The following EYS variants were observed in gnomAD, a reference collection of about 807,000 sequenced individuals.
The protein encoded by EYS is protein eyes shut homolog.
A neutral mutation model predicts 282.1 loss-of-function variants in EYS; 250 were observed. The observed-to-expected ratio is 0.89, with a 90% CI of 0.80 to 0.98. The LOEUF is 0.98. Ranked by LOEUF, EYS falls within the 50% of genes least tolerant of loss-of-function variation. The pLI is 0.00. For missense variants in EYS, 4,016 were observed against 3,709.0 expected, an observed-to-expected ratio of 1.08 and a Z score of -2.15; for synonymous variants, 1,355 against 1,282.9, an observed-to-expected ratio of 1.06 and a Z score of -1.20.
intron 24 of EYS, among the ~76,000 whole-genome samples, chr6:64,606,427 T>C (rs1038569771): frequency 4.6e-5 from 7 of 151,964 alleles, no homozygotes; most frequent in Non-Finnish European, 8.8e-5. Context: ...TTTTTATACC[T>C]CTATCAACAC....
At chr6:65,261,284 T>C (rs1366655168) in intron 12 of EYS, among the ~76,000 whole-genome samples, 4 of 151,882 alleles carry the variant, frequency 2.6e-5, no homozygotes, top group Admixed American at 1.3e-4. Context: ...TATATTTACA[T>C]TCACATGAAT....
At chr6:64,060,000 C>A (rs1216860946) in intron 33 of EYS, among the ~76,000 whole-genome samples, 1 of 152,032 alleles carries the variant, frequency 6.6e-6, no homozygotes, top group Non-Finnish European at 1.5e-5. Flanking sequence ...TGAAGTTTGA[C>A]CTTTTTAATA....
rs371667376 is a variant in EYS, at chr6:65,335,061, A to T, written c.1685T>A (p.Met562Lys). ...ATCATCAGTTGTATTTTCCAGATAC[A>T]TGTTGCCAGCCCATCTGAGAAAACA... Reference protein sequence around the residue: ...YLCFLRWAGNMYLENTTDDQE... With the variant: ...YLCFLRWAGNKYLENTTDDQE... The change falls in exon 11 of 43, where the codon ATG becomes AAG. Residue 562 changes from methionine (M) to lysine (K), a missense_variant. Met to Lys is a moderately conservative substitution (Grantham distance 95). Transcript: ENST00000503581. 2 of 1,612,030 alleles carry T rather than the reference A, an allele frequency of 1.2e-6. No individual in the cohort carries two copies. Among genetic ancestry groups the T allele is most frequent in the Non-Finnish European group, 1.7e-6 (2 of 1,178,894 alleles).
intron 24 of EYS, among the ~76,000 whole-genome samples, chr6:64,603,700 G>C (rs574294224): frequency 6.6e-6 from 1 of 152,158 alleles, no homozygotes; most frequent in East Asian, 1.9e-4. Flanking sequence ...ATTCAAACTG[G>C]TTCTGTGGAG....
At chr6:65,638,795 G>T (rs954712218) in intron 2 of EYS, among the ~76,000 whole-genome samples, 4 of 152,162 alleles carry the variant, frequency 2.6e-5, no homozygotes, top group Non-Finnish European at 5.9e-5. Flanking sequence ...AGCCGGTGGT[G>T]CAAGCCAAGC....
At chr6:64,061,165 CA>C (rs1771153705) in intron 33 of EYS, among the ~76,000 whole-genome samples, 1 of 152,144 alleles carries the variant, frequency 6.6e-6, no homozygotes, top group Non-Finnish European at 1.5e-5. Context: ...GCCTTTAAAA[CA>C]TGCAGATAAC....
chr6:65,434,001 C>G lies in EYS; in HGVS notation c.863-28634G>C, dbSNP rs1246286329. 2.6e-5 allele frequency among the ~76,000 whole-genome samples: 4 copies of G among 152,294 alleles called. No homozygotes were observed. In the South Asian group the frequency reaches 8.3e-4, roughly 32 times the overall value. The stretch of plus-strand genomic sequence containing the variant: ...CACATCAGTCACAGCTCTTCCTAAG[C>G]ATCACACTTTCAACAGAAATACAGC... On this transcript the variant is annotated intron_variant, in intron 5 of 42. Transcript: ENST00000503581.
chr6:64,731,640 T>C (rs1771970709), intron 22 of EYS, among the ~76,000 whole-genome samples: 1 of 152,180 alleles, frequency 6.6e-6, no homozygotes, highest in South Asian at 2.1e-4. Context: ...AGAATGGTGA[T>C]CATTGAAACG....
At chr6:64,183,007 G>A (rs141408559) in intron 31 of EYS, among the ~76,000 whole-genome samples, 4 of 152,164 alleles carry the variant, frequency 2.6e-5, no homozygotes, top group African/African-American at 4.8e-5. Context: ...AACATGTCAC[G>A]GGAACGACCA....
intron 1 of EYS, 34 bp downstream of exon 1, chr6:65,707,101 A>G (rs1769907078): frequency 6.6e-6 from 1 of 152,190 alleles, no homozygotes; most frequent in Non-Finnish European, 1.5e-5. Context: ...AGTAATAGAA[A>G]AATAATTTCT....
At chr6:64,060,366 C>A (rs1218507133) in intron 33 of EYS, among the ~76,000 whole-genome samples, 2 of 152,094 alleles carry the variant, frequency 1.3e-5, no homozygotes, top group African/African-American at 4.8e-5. Flanking sequence ...TCTGGTCAAG[C>A]AAGCTGCAAT....
intron 31 of EYS, among the ~76,000 whole-genome samples, chr6:64,228,598 A>T (rs1297627895): frequency 6.6e-6 from 1 of 152,184 alleles, no homozygotes; most frequent in African/African-American, 2.4e-5. Context: ...TATCCAATTT[A>T]TTAGTTTTTA....
chr6:65,260,054 G>T (rs1345629547), intron 12 of EYS, among the ~76,000 whole-genome samples: 1 of 152,050 alleles, frequency 6.6e-6, no homozygotes, highest in Non-Finnish European at 1.5e-5. Context: ...TCACAGTTCA[G>T]CATGGCTGAG....
rs1033742711 is a variant in EYS, at chr6:64,758,433, T to C, written c.3443+54945A>G. On this transcript the variant is annotated intron_variant, in intron 22 of 42. Transcript: ENST00000503581. Reference sequence around the variant, plus strand: ...GCTTGGATAGCCTGGAACTTGGGTGTTTGGTTTTTTTTGATTAGAGACATG... The same window carrying C: ...GCTTGGATAGCCTGGAACTTGGGTGCTTGGTTTTTTTTGATTAGAGACATG... Among the ~76,000 whole-genome samples, 5 of 152,066 alleles carry C rather than the reference T, an allele frequency of 3.3e-5. No individual in the cohort carries two copies. The South Asian group carries it at 1.0e-3, about 32-fold the overall frequency.
intron 2 of EYS, among the ~76,000 whole-genome samples, chr6:65,519,252 G>T (rs942157640): frequency 1.3e-5 from 2 of 151,682 alleles, no homozygotes; most frequent in African/African-American, 2.4e-5. Flanking sequence ...GCATCTATTT[G>T]TACATTCATT....
chr6:65,506,617 A>T (rs1249007397), intron 2 of EYS, among the ~76,000 whole-genome samples: 1 of 149,926 alleles, frequency 6.7e-6, no homozygotes, highest in Non-Finnish European at 1.5e-5. Context: ...AGCTGGGTCT[A>T]CCAGCACATG....
chr6:64,436,618 AGGCAAAGAAT>A (rs1774758890), intron 27 of EYS, among the ~76,000 whole-genome samples: 1 of 151,936 alleles, frequency 6.6e-6, no homozygotes. Flanking sequence ...CAATTGAGCA[AGGCAAAGAAT>A]GGTTAATACA....
At chr6:65,418,631 G>A (rs1767332713) in intron 5 of EYS, among the ~76,000 whole-genome samples, 1 of 151,920 alleles carries the variant, frequency 6.6e-6, no homozygotes, top group African/African-American at 2.4e-5. Context: ...CACAGGAGCA[G>A]GAAACCAAAC....
intron 29 of EYS, among the ~76,000 whole-genome samples, chr6:64,363,845 G>A (rs1323322740): frequency 6.6e-6 from 1 of 151,794 alleles, no homozygotes; most frequent in Non-Finnish European, 1.5e-5. Context: ...AAAATGTACA[G>A]TATATCTACT....
Sources: gnomAD v4.1 joint callset for allele counts (sites outside exome capture counted in the v4.1 genomes callset) on GRCh38, gnomAD v4.1.1 for gene constraint, MANE v1.5 for transcripts, NCBI Gene and HGNC (gene_info 2026-07-23, HGNC 2026-07-21) for gene names.